COBL: variants seen among roughly 807,000 people sequenced by gnomAD.
The protein encoded by COBL is protein cordon-bleu.
Under a neutral mutation model 98.8 loss-of-function variants are expected in COBL, and 51 were observed. That is an observed-to-expected ratio of 0.52 (90% confidence interval 0.41 to 0.65). The LOEUF (loss-of-function observed/expected upper bound fraction) is 0.65. Ranked by LOEUF, COBL falls within the 30% of genes least tolerant of loss-of-function variation. The probability of loss-of-function intolerance (pLI) is 0.00; values close to 1 mark genes in which losing one functional copy is unlikely to be tolerated. For synonymous variants in COBL, 634 were observed against 651.7 expected (o/e 0.97, Z 0.41); for missense variants, 1,617 against 1,617.5 (o/e 1.00, Z 0.01).
chr7:51,211,909 A>G (rs538815971), intron 2 of COBL, among the ~76,000 whole-genome samples: 85 of 152,094 alleles, frequency 5.6e-4, no homozygotes, highest in African/African-American at 2.0e-3. Flanking sequence ...CTCATCATCT[A>G]TCTACATTCA....
At chr7:51,243,727 T>C (rs1005012251) in intron 1 of COBL, among the ~76,000 whole-genome samples, 1 of 151,980 alleles carries the variant, frequency 6.6e-6, no homozygotes, top group African/African-American at 2.4e-5. Flanking sequence ...AACAGACTAG[T>C]GATTGTCGGA....
intron 5 of COBL, among the ~76,000 whole-genome samples, chr7:51,162,185 C>T (rs10269796): frequency 3.1e-4 from 47 of 152,292 alleles, no homozygotes; most frequent in African/African-American, 1.1e-3. Context: ...GCTTTCACAG[C>T]TACACAGGCT....
intron 6 of COBL, among the ~76,000 whole-genome samples, chr7:51,102,736 T>C (rs1795915285): frequency 6.6e-6 from 1 of 152,216 alleles, no homozygotes; most frequent in South Asian, 2.1e-4. Context: ...TACATATTCA[T>C]TTGTTCGCTT....
chr7:51,304,785 C>T (rs368331872), intron 1 of COBL, among the ~76,000 whole-genome samples: 181 of 152,280 alleles, frequency 1.2e-3, no homozygotes, highest in African/African-American at 4.1e-3. Flanking sequence ...TCCACTGATG[C>T]TGTTACTCCT....
At chr7:51,305,327 C>A (rs1203461664) in intron 1 of COBL, among the ~76,000 whole-genome samples, 1 of 152,172 alleles carries the variant, frequency 6.6e-6, no homozygotes, top group East Asian at 1.9e-4. Context: ...CCAGTCTTAT[C>A]CCTGACTGTA....
intron 1 of COBL, among the ~76,000 whole-genome samples, chr7:51,264,246 G>A (rs182516097): frequency 5.6e-4 from 86 of 152,278 alleles, no homozygotes; most frequent in African/African-American, 2.0e-3. Context: ...AGGGCAGAAG[G>A]GGCTCAAACG....
At chr7:51,226,522 TTGAGTGAG>T (rs3081930) in intron 1 of COBL, among the ~76,000 whole-genome samples, 4 of 150,550 alleles carry the variant, frequency 2.7e-5, no homozygotes, top group East Asian at 1.9e-4. Context: ...CACCACTGCG[TTGAGTGAG>T]TGAGTGAGTG....
At position 51,017,361 on chromosome 7, in the gene COBL, A is replaced by G. The variant is rs1474770346; in HGVS notation, c.*190T>C. 1 of 632,640 alleles carries G rather than the reference A, an allele frequency of 1.6e-6. No individual in the cohort carries two copies. Among genetic ancestry groups the G allele is most frequent in the African/African-American group, 1.8e-5 (1 of 55,080 alleles). The allele number at this position is 632,640 out of a possible 1,614,324, so 39.2% of individuals were successfully genotyped here. A position where few individuals can be genotyped will look rare whatever the true frequency, so the allele number is the denominator to read the frequency against. On this transcript the variant is annotated 3_prime_UTR_variant, in exon 13 of 13. Coordinates refer to ENST00000265136, the MANE Select transcript of COBL (RefSeq NM_015198.5). ...CATTTCCTTGGCACACGAGCTGCGC[A>G]GCGACACAGCATCTTCTCCTTTCCT...
intron 1 of COBL, among the ~76,000 whole-genome samples, chr7:51,221,828 G>A (rs1224975269): frequency 2.6e-5 from 4 of 152,164 alleles, no homozygotes; most frequent in Non-Finnish European, 5.9e-5. Context: ...GATTAGATGA[G>A]GCTGTAAACT....
At position 51,042,486 on chromosome 7, in the gene COBL, A is replaced by G. The variant is rs138301943; in HGVS notation, c.1406+897T>C. On this transcript the variant is annotated intron_variant, in intron 8 of 12. Coordinates refer to ENST00000265136, the MANE Select transcript of COBL (RefSeq NM_015198.5). ...GCAATCCTCCCATCTCAGCCTCCAG[A>G]GTAGCTGGGACTACAGGCACATGCT... is the stretch of plus-strand genomic sequence containing the variant. Among the ~76,000 whole-genome samples the G allele has an allele frequency of 5.6e-3, 847 of 152,244 alleles. 8 individuals are homozygous for G. The highest frequency in any genetic ancestry group is 0.019 in the African/African-American group (804 of 41,538).
chr7:51,050,040 T>A (rs941369712), intron 7 of COBL, among the ~76,000 whole-genome samples: 7 of 152,220 alleles, frequency 4.6e-5, no homozygotes, highest in Non-Finnish European at 8.8e-5. Flanking sequence ...ACGTTTTATA[T>A]TAATGCTCTT....
intron 5 of COBL, among the ~76,000 whole-genome samples, chr7:51,173,469 C>T (rs780665052): frequency 2.6e-5 from 4 of 152,166 alleles, no homozygotes; most frequent in Non-Finnish European, 5.9e-5. Context: ...AGGTGTTGGC[C>T]ACCGCTCCTG....
At chr7:51,271,427 T>C (rs1055188228) in intron 1 of COBL, among the ~76,000 whole-genome samples, 9 of 152,196 alleles carry the variant, frequency 5.9e-5, no homozygotes, top group Middle Eastern at 3.2e-3. Context: ...TCTCACCAGT[T>C]TGGGGATATT....
intron 2 of COBL, among the ~76,000 whole-genome samples, chr7:51,213,102 G>T (rs1792618065): frequency 6.6e-6 from 1 of 152,120 alleles, no homozygotes; most frequent in East Asian, 1.9e-4. Context: ...TCTTGTGTGG[G>T]ACCAAGGCCA....
At chr7:51,104,161 ATTTC>A (rs909563977) in intron 6 of COBL, among the ~76,000 whole-genome samples, 34 of 152,334 alleles carry the variant, frequency 2.2e-4, no homozygotes, top group African/African-American at 7.9e-4. Flanking sequence ...TAATGTAGTT[ATTTC>A]TTTATCATAT....
At chr7:51,105,277 TCA>T (rs1164811124) in intron 6 of COBL, among the ~76,000 whole-genome samples, 2 of 152,186 alleles carry the variant, frequency 1.3e-5, no homozygotes, top group Non-Finnish European at 2.9e-5. Flanking sequence ...TGCGTGTTTC[TCA>T]CAGTCAGTAC....
chr7:51,184,823 A>C (rs1404995020), intron 4 of COBL, among the ~76,000 whole-genome samples: 1 of 152,194 alleles, frequency 6.6e-6, no homozygotes, highest in Non-Finnish European at 1.5e-5. Flanking sequence ...TGCTTTAAGA[A>C]TTATGAGTGA....
chr7:51,022,357 T>C (rs968764210), intron 12 of COBL, among the ~76,000 whole-genome samples: 19 of 152,208 alleles, frequency 1.2e-4, no homozygotes, highest in Non-Finnish European at 2.4e-4. Context: ...AGCTGACAGA[T>C]GGCTGAGACT....
chr7:51,277,048 C>T (rs1443235724), intron 1 of COBL, among the ~76,000 whole-genome samples: 1 of 152,166 alleles, frequency 6.6e-6, no homozygotes, highest in Non-Finnish European at 1.5e-5. Flanking sequence ...TCCACTGAGG[C>T]CCCATCATCA....
Sources: gnomAD v4.1 joint callset for allele counts (sites outside exome capture counted in the v4.1 genomes callset) on GRCh38, gnomAD v4.1.1 for gene constraint, MANE v1.5 for transcripts, NCBI Gene and HGNC (gene_info 2026-07-23, HGNC 2026-07-21) for gene names.